The following NELL1 variants were observed in gnomAD, a reference collection of about 807,000 sequenced individuals.
NELL1 encodes protein kinase C-binding protein NELL1.
A neutral mutation model predicts 107.4 loss-of-function variants in NELL1; 76 were observed. The observed-to-expected ratio is 0.71, with a 90% confidence interval of 0.59 to 0.86. The LOEUF is 0.86. NELL1 is among the 40% of genes least tolerant of loss of function. The pLI, the probability that NELL1 is intolerant of heterozygous loss-of-function variation, is 0.00. For missense variants in NELL1, 1,024 were observed against 1,005.5 expected (o/e 1.02, Z -0.25); for synonymous variants, 353 against 341.2 (o/e 1.03, Z -0.38).
intron 3 of NELL1, among the ~76,000 whole-genome samples, chr11:20,823,748 C>T (rs1857812005): frequency 1.3e-5 from 2 of 151,040 alleles, no homozygotes; most frequent in Admixed American, 6.7e-5. Flanking sequence ...ACTGTATGCC[C>T]TCTCTCAAAA....
intron 12 of NELL1, among the ~76,000 whole-genome samples, chr11:21,089,912 G>A (rs994350911): frequency 1.3e-5 from 2 of 152,158 alleles, no homozygotes; most frequent in African/African-American, 4.8e-5. Flanking sequence ...GCGGGCAAAC[G>A]AGGTGCTTTT....
intron 16 of NELL1, among the ~76,000 whole-genome samples, chr11:21,539,575 G>C (rs890420738): frequency 6.6e-6 from 1 of 151,582 alleles, no homozygotes; most frequent in African/African-American, 2.4e-5. Flanking sequence ...GAGTTTGACT[G>C]TCCAGCAGCC....
At chr11:21,360,115 G>A (rs10833517) in intron 14 of NELL1, among the ~76,000 whole-genome samples, 35,167 of 151,930 alleles carry the variant, frequency 0.23, 4,060 homozygotes, top group Middle Eastern at 0.28. Context: ...ACTTTTTGAT[G>A]TAGGCATTTA....
In NELL1 at chr11:20,981,978, C is replaced by A. The variant is rs184194476; in HGVS notation, c.1300+21418C>A. 5.4e-3 allele frequency among the ~76,000 whole-genome samples: 798 copies of A among 147,554 alleles called. 7 individuals are homozygous for A. The highest frequency in any genetic ancestry group is 0.019 in the African/African-American group (761 of 39,530). On this transcript the variant is annotated intron_variant, in intron 12 of 19. Transcript: ENST00000357134. ...TCTTTCTCTCTCTCTCTCTCTCTCT[C>A]TCTTTCTCTCTCTTTCTCCTTCTGA... is the stretch of plus-strand genomic sequence containing the variant.
chr11:20,996,553 C>T (rs757280108), intron 12 of NELL1, among the ~76,000 whole-genome samples: 7 of 152,184 alleles, frequency 4.6e-5, no homozygotes, highest in Non-Finnish European at 8.8e-5. Flanking sequence ...CCCTGTGACT[C>T]TTCCCTGGTG....
intron 3 of NELL1, among the ~76,000 whole-genome samples, chr11:20,795,040 A>C (rs905244189): frequency 1.3e-5 from 2 of 152,258 alleles, no homozygotes; most frequent in Admixed American, 1.3e-4. Context: ...GCTTCGGGCT[A>C]CTCTCAGGCA....
chr11:20,734,955 A>G (rs573822327), intron 2 of NELL1, among the ~76,000 whole-genome samples: 49 of 152,232 alleles, frequency 3.2e-4, no homozygotes, highest in African/African-American at 9.1e-4. Context: ...GGTCTAGATA[A>G]GTTTTAATAA....
chr11:20,786,986 C>T (rs770995310), intron 3 of NELL1, among the ~76,000 whole-genome samples: 61 of 107,114 alleles, frequency 5.7e-4, no homozygotes, highest in Non-Finnish European at 7.9e-4. Context: ...CCAGCCTAGG[C>T]GAAAGAGCGA....
intron 15 of NELL1, among the ~76,000 whole-genome samples, chr11:21,489,843 T>C (rs1854752715): frequency 6.6e-6 from 1 of 151,996 alleles, no homozygotes; most frequent in Admixed American, 6.6e-5. Context: ...ACTTACATCA[T>C]AGTGAGTGGG....
rs369092237 is a variant in NELL1, at chr11:20,669,592, C to A, written c.-132C>A. 1.0e-5 allele frequency: 7 copies of A among 673,632 alleles called. 1 individual carries two copies. In the South Asian group the frequency reaches 1.3e-4, roughly 12 times the overall value. The allele number at this position is 673,632 out of a possible 1,614,324, so 41.7% of individuals were successfully genotyped here. ...GCGCATATGCGAGCGCAGCACCCGGCGCTGCCGAGCCACCTCCCCCGCCGC... is the reference window on the plus strand; with the variant it reads ...GCGCATATGCGAGCGCAGCACCCGGAGCTGCCGAGCCACCTCCCCCGCCGC... On this transcript the variant is annotated 5_prime_UTR_variant, in exon 1 of 20. Coordinates refer to ENST00000357134, the MANE Select transcript of NELL1 (RefSeq NM_006157.5). The surrounding 1 kb of genome is among the most constrained non-coding windows in gnomAD (Gnocchi z 4.4).
chr11:21,078,621 T>C (rs919159306), intron 12 of NELL1, among the ~76,000 whole-genome samples: 1 of 152,160 alleles, frequency 6.6e-6, no homozygotes, highest in African/African-American at 2.4e-5. Flanking sequence ...TCTATATGTC[T>C]CTATATTCTC....
intron 4 of NELL1, among the ~76,000 whole-genome samples, chr11:20,869,342 A>G (rs924468715): frequency 2.6e-5 from 4 of 152,216 alleles, no homozygotes; most frequent in African/African-American, 9.6e-5. Context: ...ATGGAAATGT[A>G]TGGCATTTAC....
At chr11:21,251,792 C>A (rs1245709744) in intron 14 of NELL1, among the ~76,000 whole-genome samples, 1 of 151,988 alleles carries the variant, frequency 6.6e-6, no homozygotes, top group African/African-American at 2.4e-5. Flanking sequence ...ATGAAGAAGA[C>A]TTTGGAGTTG....
intron 13 of NELL1, among the ~76,000 whole-genome samples, chr11:21,174,287 G>C (rs1370959747): frequency 6.6e-6 from 1 of 151,800 alleles, no homozygotes. Context: ...AACTCTCCCT[G>C]CTTACTAAAT....
intron 12 of NELL1, among the ~76,000 whole-genome samples, chr11:21,091,599 T>C (rs1248467767): frequency 6.6e-6 from 1 of 152,214 alleles, no homozygotes; most frequent in Non-Finnish European, 1.5e-5. Flanking sequence ...ATATTCACCA[T>C]ACGTCTTATC....
chr11:20,957,643 C>T (rs12271749), intron 11 of NELL1, among the ~76,000 whole-genome samples: 1 of 151,758 alleles, frequency 6.6e-6, no homozygotes, highest in African/African-American at 2.4e-5. Context: ...TGTTTAAAGA[C>T]ATTTTTTAAA....
chr11:21,223,403 C>T (rs573083254), intron 13 of NELL1, among the ~76,000 whole-genome samples: 1 of 151,938 alleles, frequency 6.6e-6, no homozygotes, highest in African/African-American at 2.4e-5. Flanking sequence ...CTTTTGATAT[C>T]TATTTGTGTG....
chr11:21,379,287 A>G (rs1851554970), intron 15 of NELL1, among the ~76,000 whole-genome samples: 1 of 152,108 alleles, frequency 6.6e-6, no homozygotes, highest in Non-Finnish European at 1.5e-5. Context: ...ACAGTCTAGT[A>G]TAAAATAATT....
chr11:21,242,168 A>G (rs1337041839), intron 14 of NELL1, among the ~76,000 whole-genome samples: 2 of 152,220 alleles, frequency 1.3e-5, no homozygotes, highest in African/African-American at 2.4e-5. Context: ...ATGCTGTAAC[A>G]GATAAACTCC....
Sources: gnomAD v4.1 joint callset for allele counts (sites outside exome capture counted in the v4.1 genomes callset) on GRCh38, gnomAD v4.1.1 for gene constraint, Gnocchi (gnomAD v3.1) non-coding constraint, MANE v1.5 for transcripts, NCBI Gene and HGNC (gene_info 2026-07-23, HGNC 2026-07-21) for gene names.